RANBP2: variants seen among roughly 807,000 people sequenced by gnomAD.
RANBP2 encodes E3 SUMO-protein ligase RanBP2.
RANBP2 carries 57 observed loss-of-function variants against 303.6 expected under a neutral mutation model. The ratio of observed to expected loss-of-function variants is 0.19; its 90% confidence interval spans 0.15 to 0.23. The LOEUF is 0.23. Ranked by LOEUF, RANBP2 falls within the 10% of genes least tolerant of loss-of-function variation. The pLI is 1.00. For missense variants in RANBP2, 3,138 were observed against 3,780.8 expected (o/e 0.83, Z 4.46); for synonymous variants, 1,167 against 1,301.5 (o/e 0.90, Z 2.23).
chr2:109,449,560 G>A, the RANBP2 span: 4 of 1,531,096 alleles, frequency 2.6e-6, no homozygotes, highest in African/African-American at 1.4e-5. Flanking sequence ...GGCACTAGAT[G>A]GCAGTGGCAT....
At chr2:109,649,406 C>CT in the RANBP2 span, among the ~76,000 whole-genome samples, 19 of 150,752 alleles carry the variant, frequency 1.3e-4, no homozygotes, top group Middle Eastern at 3.4e-3. Flanking sequence ...TTTTCTTTTT[C>CT]TTTTTTTTTG....
the RANBP2 span, among the ~76,000 whole-genome samples, chr2:109,191,893 T>C: frequency 2.6e-5 from 4 of 152,164 alleles, no homozygotes. Context: ...TTTACTATTA[T>C]TATTTTCAAC....
the RANBP2 span, among the ~76,000 whole-genome samples, chr2:109,224,501 G>C: frequency 6.6e-6 from 1 of 152,162 alleles, no homozygotes; most frequent in Non-Finnish European, 1.5e-5. Context: ...GTACAGTAGC[G>C]ACCAGCCACA....
the RANBP2 span, among the ~76,000 whole-genome samples, chr2:109,674,747 A>G: frequency 6.6e-6 from 1 of 152,218 alleles, no homozygotes; most frequent in African/African-American, 2.4e-5. Flanking sequence ...GGAAATTGAC[A>G]TTCTTACATT....
chr2:109,571,697 C>T, the RANBP2 span, among the ~76,000 whole-genome samples: 3 of 152,154 alleles, frequency 2.0e-5, no homozygotes, highest in African/African-American at 7.2e-5. Context: ...GGAATTTCAG[C>T]ATCCTCAGGG....
chr2:109,498,929 C>T, the RANBP2 span, among the ~76,000 whole-genome samples: 4 of 152,184 alleles, frequency 2.6e-5, no homozygotes, highest in East Asian at 5.8e-4. Flanking sequence ...CACCTGGGGT[C>T]GCTAGGGCGC....
downstream of RANBP2, chr2:108,787,982 A>G: frequency 5.1e-6 from 7 of 1,374,684 alleles, no homozygotes; most frequent in Non-Finnish European, 6.9e-6. Context: ...ATTTTGAGAC[A>G]GTAAATTGAT....
chr2:109,552,728 T>A, the RANBP2 span: 6 of 194,618 alleles, frequency 3.1e-5, no homozygotes, highest in Non-Finnish European at 5.2e-5. Flanking sequence ...AAACCACCAC[T>A]GAGACTGGTT....
the RANBP2 span, among the ~76,000 whole-genome samples, chr2:109,397,820 A>G: frequency 6.6e-6 from 1 of 152,168 alleles, no homozygotes; most frequent in South Asian, 2.1e-4. Context: ...TTGCTCATGG[A>G]CTTGAACCTT....
At chr2:108,799,818 T>C in the RANBP2 span, among the ~76,000 whole-genome samples, 1 of 152,296 alleles carries the variant, frequency 6.6e-6, no homozygotes, top group East Asian at 1.9e-4. Context: ...CCCATTATTT[T>C]CTTCAGTGTT....
the RANBP2 span, among the ~76,000 whole-genome samples, chr2:109,380,954 A>G: frequency 6.6e-6 from 1 of 152,246 alleles, no homozygotes; most frequent in African/African-American, 2.4e-5. Context: ...ATGCATGTAG[A>G]CCAGCAGGAG....
chr2:109,126,506 C>T, the RANBP2 span, among the ~76,000 whole-genome samples: 1 of 152,212 alleles, frequency 6.6e-6, no homozygotes, highest in Non-Finnish European at 1.5e-5. Context: ...GGCCAAGGCA[C>T]ACGGGTCCAA....
the RANBP2 span, among the ~76,000 whole-genome samples, chr2:109,513,490 G>GTACACACACATA: frequency 1.3e-5 from 2 of 150,428 alleles, no homozygotes; most frequent in African/African-American, 4.9e-5. Context: ...CACACCACAT[G>GTACACACACATA]TACACACACC....
chr2:108,901,444 T>C, the RANBP2 span, among the ~76,000 whole-genome samples: 1 of 152,034 alleles, frequency 6.6e-6, no homozygotes, highest in Admixed American at 6.6e-5. Flanking sequence ...AAACCAAATG[T>C]ACATAGAAGG....
the RANBP2 span, among the ~76,000 whole-genome samples, chr2:109,282,869 T>G: frequency 2.6e-5 from 4 of 151,976 alleles, no homozygotes; most frequent in Non-Finnish European, 5.9e-5. Flanking sequence ...AGAGGAGCTA[T>G]GGATGGGGAG....
intron 2 of RANBP2, among the ~76,000 whole-genome samples, 189 bp downstream of exon 2, chr2:108,729,388 T>C (rs1447057464): frequency 1.3e-5 from 2 of 152,202 alleles, no homozygotes; most frequent in African/African-American, 4.8e-5. Context: ...TAATTAGTGT[T>C]TTCTGCATGC....
chr2:108,978,195 T>C, the RANBP2 span, among the ~76,000 whole-genome samples: 1 of 152,220 alleles, frequency 6.6e-6, no homozygotes, highest in Non-Finnish European at 1.5e-5. Context: ...TCACTGGGGA[T>C]AGACGTGCAT....
At chr2:109,053,271 G>A in the RANBP2 span, among the ~76,000 whole-genome samples, 3 of 152,202 alleles carry the variant, frequency 2.0e-5, no homozygotes, top group East Asian at 1.9e-4. Context: ...CGAAACACTC[G>A]GGCAAGAGAG....
the RANBP2 span, among the ~76,000 whole-genome samples, chr2:109,087,127 C>A: frequency 4.3e-4 from 65 of 152,296 alleles, no homozygotes; most frequent in African/African-American, 1.4e-3. Context: ...CCAGAAAGAG[C>A]CCTCTGTTCC....
Sources: allele counts gnomAD v4.1 joint callset (sites outside exome capture counted in the v4.1 genomes callset), GRCh38; gene constraint gnomAD v4.1.1; transcripts MANE v1.5; gene names NCBI Gene and HGNC (gene_info 2026-07-23, HGNC 2026-07-21).